IL1RAPL1: variants seen among roughly 807,000 people sequenced by gnomAD.
IL1RAPL1 encodes the protein interleukin 1 receptor accessory protein like 1, also known as interleukin-1 receptor accessory protein-like 1.
IL1RAPL1 carries 3 observed loss-of-function variants against 48.4 expected under a neutral mutation model. The ratio of observed to expected loss-of-function variants is 0.06; its 90% CI spans 0.03 to 0.16. The LOEUF (loss-of-function observed/expected upper bound fraction) is 0.16, where lower values mean the gene tolerates loss of function less well. Among genes scored for constraint, IL1RAPL1 ranks in the 10% least tolerant of loss-of-function variants. IL1RAPL1 has a pLI of 1.00. For synonymous variants in IL1RAPL1, 185 were observed against 187.7 expected, an observed-to-expected ratio of 0.99 and a Z score of 0.12; for missense variants, 349 against 530.6, an observed-to-expected ratio of 0.66 and a Z score of 3.36.
chrX:29,615,092 C>T (rs1194082416), intron 5 of IL1RAPL1, among the ~76,000 whole-genome samples: 1 of 112,204 alleles, frequency 8.9e-6, no homozygotes, highest in Non-Finnish European at 1.9e-5. Context: ...TCACTACCTC[C>T]AACAACCTAA....
intron 1 of IL1RAPL1, among the ~76,000 whole-genome samples, chrX:28,616,263 T>C (rs1934217328): frequency 8.9e-6 from 1 of 112,158 alleles, no homozygotes; most frequent in South Asian, 3.7e-4. Context: ...TGTAGACTTC[T>C]TACAGGCTCC....
chrX:29,140,117 T>C (rs900416224), intron 2 of IL1RAPL1, among the ~76,000 whole-genome samples: 1 of 110,068 alleles, frequency 9.1e-6, no homozygotes, highest in African/African-American at 3.3e-5. Flanking sequence ...GAAAGAGAGA[T>C]GGGAGGGAGG....
intron 6 of IL1RAPL1, among the ~76,000 whole-genome samples, chrX:29,894,820 C>A: frequency 9.1e-6 from 1 of 110,489 alleles, no homozygotes; most frequent in Non-Finnish European, 1.9e-5. Context: ...AGGGCTCTAC[C>A]ATTCATCTGT....
intron 3 of IL1RAPL1, among the ~76,000 whole-genome samples, chrX:29,362,514 A>G (rs1305342410): frequency 8.9e-6 from 1 of 111,756 alleles, no homozygotes; most frequent in Non-Finnish European, 1.9e-5. Flanking sequence ...GCTTGGGGGA[A>G]TCATCAGTCA....
At chrX:29,422,354 G>T (rs925211074) in intron 5 of IL1RAPL1, among the ~76,000 whole-genome samples, 6 of 111,023 alleles carry the variant, frequency 5.4e-5, no homozygotes, top group Non-Finnish European at 7.6e-5. Flanking sequence ...AATCAGAGAG[G>T]CTATGAGACT....
intron 6 of IL1RAPL1, among the ~76,000 whole-genome samples, chrX:29,708,361 C>T (rs1287139736): frequency 9.0e-6 from 1 of 111,589 alleles, no homozygotes; most frequent in African/African-American, 3.3e-5. Flanking sequence ...ACTTTTCCTC[C>T]AATTTAACAG....
intron 2 of IL1RAPL1, among the ~76,000 whole-genome samples, chrX:28,867,793 T>A (rs1387847589): frequency 1.8e-5 from 2 of 111,277 alleles, no homozygotes; most frequent in African/African-American, 6.5e-5. Context: ...ATTCCACAAT[T>A]TCCTTTAGTA....
intron 5 of IL1RAPL1, among the ~76,000 whole-genome samples, chrX:29,493,734 T>C (rs921599503): frequency 5.4e-5 from 6 of 111,414 alleles, no homozygotes; most frequent in Admixed American, 1.9e-4. Context: ...CATGGGTATA[T>C]TGCATAATGC....
chrX:29,835,107 A>G (rs1930964545), intron 6 of IL1RAPL1, among the ~76,000 whole-genome samples: 1 of 112,322 alleles, frequency 8.9e-6, no homozygotes, highest in Non-Finnish European at 1.9e-5. Flanking sequence ...AGATACAAGA[A>G]TGCACAATGC....
intron 3 of IL1RAPL1, among the ~76,000 whole-genome samples, chrX:29,360,928 A>T (rs890519763): frequency 2.7e-5 from 3 of 112,030 alleles, no homozygotes; most frequent in African/African-American, 9.7e-5. Flanking sequence ...TTTCTTCCTA[A>T]AAGAGTATCT....
chrX:29,606,751 G>A (rs1923905267), intron 5 of IL1RAPL1, among the ~76,000 whole-genome samples: 1 of 109,104 alleles, frequency 9.2e-6, no homozygotes, highest in South Asian at 4.0e-4. Context: ...CCAACCAGTG[G>A]TACTAGATTT....
chrX:29,733,358 G>A (rs1927968956), intron 6 of IL1RAPL1, among the ~76,000 whole-genome samples: 1 of 111,776 alleles, frequency 8.9e-6, no homozygotes, highest in South Asian at 3.7e-4. Context: ...CCTAGTTCAA[G>A]TAACTGCTCA....
At chrX:28,951,772 G>T (rs1924473577) in intron 2 of IL1RAPL1, among the ~76,000 whole-genome samples, 1 of 111,999 alleles carries the variant, frequency 8.9e-6, no homozygotes, top group Non-Finnish European at 1.9e-5. Flanking sequence ...GTTCACTATA[G>T]TGGAGCATCT....
chrX:29,160,478 AAT>A, intron 2 of IL1RAPL1, among the ~76,000 whole-genome samples: 1 of 112,129 alleles, frequency 8.9e-6, no homozygotes, highest in Non-Finnish European at 1.9e-5. Flanking sequence ...TAGTAATAAT[AAT>A]ATAGATGATA....
At position 28,807,976 on chromosome X, in the gene IL1RAPL1, G is replaced by A. The variant is rs780353134; in HGVS notation, c.82+18551G>A. On this transcript the variant is annotated intron_variant, in intron 2 of 10. Transcript: ENST00000378993. ...CAGCTGAGAATGCAGAGTAGGAGAA[G>A]CTTCTGAGGCAGTGTATCAAGTAAT... Among the ~76,000 whole-genome samples the A allele has an allele frequency of 2.7e-5, 3 of 111,039 alleles. No homozygotes were observed. The East Asian group carries it at 8.6e-4, about 32-fold the overall frequency.
chrX:29,482,100 C>T (rs1169593986), intron 5 of IL1RAPL1, among the ~76,000 whole-genome samples: 1 of 111,740 alleles, frequency 8.9e-6, no homozygotes, highest in Non-Finnish European at 1.9e-5. Context: ...CATAAACATA[C>T]AGAAAATTAG....
chrX:29,458,257 T>A (rs1934762216), intron 5 of IL1RAPL1, among the ~76,000 whole-genome samples: 1 of 112,702 alleles, frequency 8.9e-6, no homozygotes. Flanking sequence ...TCTTCTGCTG[T>A]GCAGAAGCTC....
chrX:29,845,539 A>G (rs1244365132), intron 6 of IL1RAPL1, among the ~76,000 whole-genome samples: 1 of 112,045 alleles, frequency 8.9e-6, no homozygotes, highest in Non-Finnish European at 1.9e-5. Flanking sequence ...ACACAACTGA[A>G]TATTAACACA....
intron 1 of IL1RAPL1, among the ~76,000 whole-genome samples, chrX:28,668,419 C>T (rs771301923): frequency 3.6e-5 from 4 of 111,946 alleles, no homozygotes; most frequent in South Asian, 3.8e-4. Context: ...CCACCATACC[C>T]GGCTAATTTT....
Sources: gnomAD v4.1 joint callset for allele counts (sites outside exome capture counted in the v4.1 genomes callset) on GRCh38, gnomAD v4.1.1 for gene constraint, MANE v1.5 for transcripts, NCBI Gene and HGNC (gene_info 2026-07-23, HGNC 2026-07-21) for gene names.